TMCC1: variants seen among roughly 807,000 people sequenced by gnomAD.
TMCC1 encodes transmembrane and coiled-coil domains protein 1.
A neutral mutation model predicts 52.4 loss-of-function variants in TMCC1; 15 were observed. The ratio of observed to expected loss-of-function variants is 0.29; its 90% CI spans 0.19 to 0.44. The LOEUF is 0.44. Ranked by LOEUF, TMCC1 falls within the 20% of genes least tolerant of loss-of-function variation. The probability of loss-of-function intolerance (pLI) is 1.00; values close to 1 mark genes in which losing one functional copy is unlikely to be tolerated. For synonymous variants in TMCC1, 279 were observed against 301.9 expected (o/e 0.92, Z 0.79); for missense variants, 503 against 806.0 (o/e 0.62, Z 4.55).
intron 2 of TMCC1, among the ~76,000 whole-genome samples, chr3:129,844,889 A>G (rs1056937250): frequency 1.3e-5 from 2 of 152,210 alleles, no homozygotes; most frequent in African/African-American, 4.8e-5. Flanking sequence ...AATAAAATTT[A>G]AAAGGTGAAA....
intron 2 of TMCC1, among the ~76,000 whole-genome samples, chr3:129,842,236 T>A (rs986849503): frequency 2.6e-5 from 4 of 151,918 alleles, no homozygotes; most frequent in Admixed American, 1.3e-4. Context: ...GAGGCTGGGG[T>A]GGGCAGATCA....
At chr3:129,732,893 G>A (rs533414293) in intron 4 of TMCC1, among the ~76,000 whole-genome samples, 2 of 152,304 alleles carry the variant, frequency 1.3e-5, no homozygotes, top group African/African-American at 2.4e-5. Context: ...TTACAATATC[G>A]CCTTCCCATT....
At chr3:129,855,881 C>G (rs1396821571) in intron 2 of TMCC1, among the ~76,000 whole-genome samples, 2 of 152,118 alleles carry the variant, frequency 1.3e-5, no homozygotes, top group Non-Finnish European at 2.9e-5. Flanking sequence ...TAAACAGAAG[C>G]TGCAGTATCA....
intron 4 of TMCC1, among the ~76,000 whole-genome samples, chr3:129,822,560 G>A (rs2058470669): frequency 2.6e-5 from 4 of 152,310 alleles, no homozygotes; most frequent in Admixed American, 2.0e-4. Flanking sequence ...TTGAAAAAAG[G>A]AAAAACTTTC....
intron 4 of TMCC1, among the ~76,000 whole-genome samples, chr3:129,739,490 A>T (rs2051269149): frequency 6.6e-6 from 1 of 152,226 alleles, no homozygotes; most frequent in Non-Finnish European, 1.5e-5. Flanking sequence ...ACCATCTACA[A>T]CAATAACCAA....
intron 4 of TMCC1, among the ~76,000 whole-genome samples, chr3:129,776,561 C>T (rs756736833): frequency 1.3e-5 from 2 of 152,068 alleles, no homozygotes; most frequent in Admixed American, 1.3e-4. Context: ...ATAGGAAGGG[C>T]CAGAGAAAAA....
At chr3:129,807,040 A>G (rs2057507462) in intron 4 of TMCC1, among the ~76,000 whole-genome samples, 1 of 152,242 alleles carries the variant, frequency 6.6e-6, no homozygotes. Context: ...GATCAATCTT[A>G]GAAACCTATT....
rs1479066383 is a variant in TMCC1, at chr3:129,670,806, A to G, written c.1035T>C (p.Asp345=). The change falls in exon 5 of 7, where the codon GAT becomes GAC. Residue 345 remains aspartate, a synonymous_variant. Coordinates refer to ENST00000393238, the MANE Select transcript of TMCC1 (RefSeq NM_001017395.5). ...AGCTGGAAAACCCACCTTTGACACT[A>G]TCCACCACACCTTCACTGAAGCCAG... ...KVTGFSEGVV[D]SVKGGFSSFS... is the part of the protein sequence containing the mutation. 3 of 1,614,028 alleles carry G rather than the reference A, an allele frequency of 1.9e-6. No homozygotes were observed. The highest frequency in any genetic ancestry group is 2.5e-6 in the Non-Finnish European group (3 of 1,180,028).
intron 4 of TMCC1, among the ~76,000 whole-genome samples, chr3:129,814,880 C>T (rs1203155662): frequency 6.6e-6 from 1 of 152,140 alleles, no homozygotes; most frequent in Non-Finnish European, 1.5e-5. Context: ...ATGTACCCAA[C>T]ATCAGAGCTC....
intron 4 of TMCC1, among the ~76,000 whole-genome samples, chr3:129,738,692 G>A (rs926174391): frequency 3.1e-4 from 47 of 152,152 alleles, no homozygotes; most frequent in Admixed American, 6.5e-4. Context: ...TGGAGATAGC[G>A]TGGTTTCATT....
chr3:129,774,375 A>C (rs907373277), intron 4 of TMCC1, among the ~76,000 whole-genome samples: 1 of 152,252 alleles, frequency 6.6e-6, no homozygotes, highest in South Asian at 2.1e-4. Context: ...ACCTAAAAAA[A>C]TGCTATGAAT....
At chr3:129,810,901 TGAAA>T (rs1318998584) in intron 4 of TMCC1, among the ~76,000 whole-genome samples, 7 of 152,232 alleles carry the variant, frequency 4.6e-5, no homozygotes, top group African/African-American at 1.7e-4. Context: ...CTACAACTGT[TGAAA>T]CAAGTTTAAT....
chr3:129,846,344 C>G (rs2059663683), intron 2 of TMCC1, among the ~76,000 whole-genome samples: 3 of 152,184 alleles, frequency 2.0e-5, no homozygotes, highest in Admixed American at 6.5e-5. Flanking sequence ...TATTATCACA[C>G]TACTTATAGA....
chr3:129,848,160 G>T (rs189473379), intron 2 of TMCC1, among the ~76,000 whole-genome samples: 158 of 152,126 alleles, frequency 1.0e-3, no homozygotes, highest in African/African-American at 3.4e-3. Context: ...TTTTTAACTT[G>T]GATGAAATCC....
intron 2 of TMCC1, among the ~76,000 whole-genome samples, chr3:129,860,242 A>AT (rs907107023): frequency 2.1e-4 from 32 of 149,084 alleles, no homozygotes; most frequent in South Asian, 4.3e-4. Flanking sequence ...AGTGAGTGGA[A>AT]TTTTTTTTTT....
chr3:129,652,461 G>T (rs577546305), intron 6 of TMCC1, among the ~76,000 whole-genome samples: 1 of 152,248 alleles, frequency 6.6e-6, no homozygotes, highest in South Asian at 2.1e-4. Context: ...TGGCACAAAT[G>T]ACCAGCATTA....
At chr3:129,713,246 T>C (rs947983428) in intron 4 of TMCC1, among the ~76,000 whole-genome samples, 2 of 152,092 alleles carry the variant, frequency 1.3e-5, no homozygotes, top group African/African-American at 4.8e-5. Context: ...TGGGCTTTTT[T>C]CCTCCATCCA....
chr3:129,796,574 C>G (rs1024434575), intron 4 of TMCC1, among the ~76,000 whole-genome samples: 6 of 152,128 alleles, frequency 3.9e-5, no homozygotes, highest in Middle Eastern at 3.2e-3. Context: ...AATCCCAATG[C>G]TTTGGGAGGC....
At chr3:129,709,474 C>CAAA (rs1160022823) in intron 4 of TMCC1, among the ~76,000 whole-genome samples, 1 of 20,526 alleles carries the variant, frequency 4.9e-5, no homozygotes, top group East Asian at 1.4e-3. Context: ...AGACTTGCCT[C>CAAA]AAAAAAAAAA....
Sources: allele counts gnomAD v4.1 joint callset (sites outside exome capture counted in the v4.1 genomes callset), GRCh38; gene constraint gnomAD v4.1.1; transcripts MANE v1.5; gene names NCBI Gene and HGNC (gene_info 2026-07-23, HGNC 2026-07-21).